TTC7B: variants seen among roughly 807,000 people sequenced by gnomAD.
TTC7B encodes the protein tetratricopeptide repeat protein 7B.
A neutral mutation model predicts 106.8 loss-of-function variants in TTC7B; 28 were observed. That is an observed-to-expected ratio of 0.26 (90% CI 0.19 to 0.36). The LOEUF (loss-of-function observed/expected upper bound fraction) is 0.36. Ranked by LOEUF, TTC7B falls within the 10% of genes least tolerant of loss-of-function variation. The pLI, the probability that TTC7B is intolerant of heterozygous loss-of-function variation, is 1.00. For synonymous variants in TTC7B, 405 were observed against 430.6 expected, an observed-to-expected ratio of 0.94 and a Z score of 0.74; for missense variants, 862 against 1,076.4, an observed-to-expected ratio of 0.80 and a Z score of 2.79.
intron 5 of TTC7B, among the ~76,000 whole-genome samples, chr14:90,701,501 AAGTG>A (rs1283799329): frequency 6.6e-6 from 1 of 151,932 alleles, no homozygotes; most frequent in African/African-American, 2.4e-5. Context: ...TAAGAATGAA[AAGTG>A]GCCAGACTGC....
intron 15 of TTC7B, among the ~76,000 whole-genome samples, chr14:90,621,452 G>C (rs118048480): frequency 6.6e-6 from 1 of 151,782 alleles, no homozygotes; most frequent in South Asian, 2.1e-4. Flanking sequence ...GGGTACGGCC[G>C]GGACAAGTGG....
At chr14:90,685,671 C>A (rs111506597) in intron 7 of TTC7B, among the ~76,000 whole-genome samples, 3 of 152,026 alleles carry the variant, frequency 2.0e-5, no homozygotes, top group African/African-American at 7.2e-5. Context: ...TGACAACCAA[C>A]CCTGTAGAAA....
At chr14:90,719,759 A>G (rs1213029986) in intron 5 of TTC7B, among the ~76,000 whole-genome samples, 1 of 152,230 alleles carries the variant, frequency 6.6e-6, no homozygotes, top group East Asian at 1.9e-4. Context: ...AGGGCAGCCT[A>G]TGAAATTCTT....
At chr14:90,610,942 T>C in intron 16 of TTC7B, 103 bp from the exon 17 acceptor site, 1 of 820,134 alleles carries the variant, frequency 1.2e-6, no homozygotes. Context: ...ATACTTTCTG[T>C]GCATTTTTTA....
intron 3 of TTC7B, among the ~76,000 whole-genome samples, chr14:90,745,301 A>T (rs1260719158): frequency 6.9e-6 from 1 of 144,654 alleles, no homozygotes; most frequent in Non-Finnish European, 1.5e-5. Context: ...GTCTCCCAAA[A>T]AAAAAAAAAA....
At position 90,802,473 on chromosome 14, in the gene TTC7B, C is replaced by T. The variant is rs1456733717; in HGVS notation, c.121+13702G>A. Among the ~76,000 whole-genome samples, 2 of 17,882 alleles carry T rather than the reference C, an allele frequency of 1.1e-4. No individual in the cohort carries two copies. The highest frequency in any genetic ancestry group is 4.1e-3 in the East Asian group (2 of 488). 11.7% of individuals were successfully genotyped at this position (17,882 alleles called of 152,430 possible). Reference sequence around the variant, plus strand: ...GAGGGCTCCAAGCAGTGACAGAGGGCGCCAGCAGTGACAGAGGGGAAAGCT... The same window carrying T: ...GAGGGCTCCAAGCAGTGACAGAGGGTGCCAGCAGTGACAGAGGGGAAAGCT... On this transcript the variant is annotated intron_variant, in intron 1 of 19. Transcript: ENST00000328459. The surrounding 1 kb of genome is among the most constrained non-coding windows in gnomAD (Gnocchi z 4.7).
At position 90,570,726 on chromosome 14, in the gene TTC7B, C is replaced by T. The variant is rs1037592547; in HGVS notation, c.2310+7380G>A. 6.6e-6 allele frequency among the ~76,000 whole-genome samples: 1 copy of T among 152,174 alleles called. No homozygotes were observed. The highest frequency in any genetic ancestry group is 1.5e-5 in the Non-Finnish European group (1 of 68,032). ...CGCAAAGGATCTCCCAGCCCAGGCG[C>T]GACCTGGATTACAGAGAATGACAGC... On this transcript the variant is annotated intron_variant, in intron 19 of 19. Transcript: ENST00000328459. The surrounding 1 kb of genome is among the most constrained non-coding windows in gnomAD (Gnocchi z 4.0).
intron 17 of TTC7B, among the ~76,000 whole-genome samples, chr14:90,597,667 A>C (rs1595191231): frequency 6.6e-6 from 1 of 152,068 alleles, no homozygotes; most frequent in Non-Finnish European, 1.5e-5. Context: ...TAAAAAAAAA[A>C]ACAAAACAAC....
chr14:90,799,485 A>AC (rs1823054268), intron 1 of TTC7B, among the ~76,000 whole-genome samples: 1 of 152,212 alleles, frequency 6.6e-6, no homozygotes, highest in Non-Finnish European at 1.5e-5. Context: ...AAAGAGGGTG[A>AC]CTGGGGCTAC....
chr14:90,566,265 A>G (rs1465506556), intron 19 of TTC7B, among the ~76,000 whole-genome samples: 1 of 151,804 alleles, frequency 6.6e-6, no homozygotes, highest in African/African-American at 2.4e-5. Flanking sequence ...AATCGCTTGA[A>G]CCTGGGAGGC....
intron 1 of TTC7B, among the ~76,000 whole-genome samples, chr14:90,801,783 C>T (rs1020648137): frequency 2.6e-5 from 4 of 152,078 alleles, no homozygotes; most frequent in African/African-American, 9.7e-5. Context: ...GCGCCGGGCA[C>T]GGTGGCTCAC....
chr14:90,664,762 C>CT, intron 9 of TTC7B, among the ~76,000 whole-genome samples: 1 of 152,272 alleles, frequency 6.6e-6, no homozygotes, highest in Middle Eastern at 3.4e-3. Context: ...GCCAGGCTGC[C>CT]TAGGCTTAAT....
chr14:90,733,971 T>C (rs1344926536), intron 4 of TTC7B, among the ~76,000 whole-genome samples: 1 of 152,198 alleles, frequency 6.6e-6, no homozygotes, highest in Non-Finnish European at 1.5e-5. Context: ...CATGAACAAA[T>C]ATTATACATT....
chr14:90,717,727 C>T (rs1888714047), intron 5 of TTC7B, among the ~76,000 whole-genome samples: 1 of 152,194 alleles, frequency 6.6e-6, no homozygotes, highest in Non-Finnish European at 1.5e-5. Flanking sequence ...GCTAGGTCCC[C>T]ACCCCCAGCC....
At chr14:90,656,591 C>T (rs1413977735) in intron 11 of TTC7B, among the ~76,000 whole-genome samples, 1 of 152,122 alleles carries the variant, frequency 6.6e-6, no homozygotes, top group Non-Finnish European at 1.5e-5. Context: ...AAGTCCCAGG[C>T]TCCCAGCCTA....
chr14:90,587,413 G>T (rs2139815298), intron 18 of TTC7B, among the ~76,000 whole-genome samples: 1 of 152,336 alleles, frequency 6.6e-6, no homozygotes, highest in Non-Finnish European at 1.5e-5. Flanking sequence ...ACTCCTCAGG[G>T]TTCATGCCCC....
chr14:90,773,548 C>T (rs746281294), intron 3 of TTC7B, among the ~76,000 whole-genome samples: 1 of 152,170 alleles, frequency 6.6e-6, no homozygotes, highest in Admixed American at 6.5e-5. Flanking sequence ...AGCACAATCA[C>T]GCAGGTAAAT....
chr14:90,582,361 T>C (rs1256594686), intron 18 of TTC7B, among the ~76,000 whole-genome samples: 1 of 152,238 alleles, frequency 6.6e-6, no homozygotes, highest in African/African-American at 2.4e-5. Flanking sequence ...TCTGGGCCTG[T>C]CCACCTGTCA....
intron 1 of TTC7B, among the ~76,000 whole-genome samples, chr14:90,801,432 C>T (rs564510432): frequency 5.4e-4 from 82 of 151,990 alleles, no homozygotes; most frequent in Non-Finnish European, 1.0e-3. Flanking sequence ...GGCAAATGAG[C>T]GATAATTTGT....
Sources: allele counts gnomAD v4.1 joint callset (sites outside exome capture counted in the v4.1 genomes callset), GRCh38; gene constraint gnomAD v4.1.1; non-coding constraint Gnocchi (gnomAD v3.1); transcripts MANE v1.5; gene names NCBI Gene and HGNC (gene_info 2026-07-23, HGNC 2026-07-21).